VWDE: variants seen among roughly 807,000 people sequenced by gnomAD.
VWDE encodes the protein von Willebrand factor D and EGF domains.
VWDE carries 207 observed loss-of-function variants against 178.4 expected under a neutral mutation model. The observed-to-expected ratio is 1.16, with a 90% CI of 1.04 to 1.30. The LOEUF is 1.30. Ranked by LOEUF, VWDE falls within the 50% of genes most tolerant of loss-of-function variation. VWDE has a pLI of 0.00. For synonymous variants in VWDE, 738 were observed against 651.4 expected, an observed-to-expected ratio of 1.13 and a Z score of -2.02; for missense variants, 2,287 against 1,901.3, an observed-to-expected ratio of 1.20 and a Z score of -3.77.
At chr7:12,381,949 G>T (rs1783875060) in intron 4 of VWDE, among the ~76,000 whole-genome samples, 1 of 151,766 alleles carries the variant, frequency 6.6e-6, no homozygotes, top group South Asian at 2.1e-4. Flanking sequence ...ATCATTGCTT[G>T]CAACAGTATA....
At chr7:12,331,713 C>T (rs569775306) in intron 28 of VWDE, among the ~76,000 whole-genome samples, 84 of 152,054 alleles carry the variant, frequency 5.5e-4, no homozygotes, top group Non-Finnish European at 1.0e-3. Flanking sequence ...CTATTAATGC[C>T]ATATTGCAGA....
rs758316225 is a variant in VWDE, at chr7:12,356,217, G to C, written c.3639C>G (p.Ser1213Arg). The change falls in exon 18 of 29, where the codon AGC becomes AGG. Residue 1213 changes from serine to arginine, a missense_variant. By Grantham distance (110) the Ser-to-Arg change is moderately radical (BLOSUM62 -1). Transcript: ENST00000275358. ...LCVCLPGFHG[S>R]LCEVDISGCQ... ...ACCCACTAATGTCCACTTCACAAAG[G>C]CTGCCATGGAAGCCAGGCAAGCAGA... is the stretch of plus-strand genomic sequence containing the variant. 1.9e-6 allele frequency: 3 copies of C among 1,551,576 alleles called. No individual in the cohort carries two copies. The highest frequency in any genetic ancestry group is 1.2e-5 in the South Asian group (1 of 84,050).
Position 12,369,950 on chromosome 7 carries a change from C to T in VWDE, c.2356G>A (p.Asp786Asn). The change falls in exon 12 of 29, where the codon GAT becomes AAT. Residue 786 changes from aspartate to asparagine, a missense_variant. By Grantham distance (23) the Asp-to-Asn change is conservative. Coordinates refer to ENST00000275358, the MANE Select transcript of VWDE (RefSeq NM_001135924.3). ...TYFFPEDHAE[D>N]VQQEFFPSWP... is the part of the protein sequence containing the mutation. ...GAGGGGAAAAACTCTTGCTGTACATCCTCAGCATGGTCCTCTGGGAAAAAA... is the reference window on the plus strand; with the variant it reads ...GAGGGGAAAAACTCTTGCTGTACATTCTCAGCATGGTCCTCTGGGAAAAAA... 1 of 1,551,476 alleles carries T rather than the reference C, an allele frequency of 6.4e-7. No homozygotes were observed. The highest frequency in any genetic ancestry group is 8.7e-7 in the Non-Finnish European group (1 of 1,146,884).
intron 6 of VWDE, 28 bp from the exon 7 acceptor site, chr7:12,377,948 T>G (rs1783633431): frequency 1.5e-6 from 2 of 1,335,702 alleles, no homozygotes; most frequent in Non-Finnish European, 1.9e-6. Flanking sequence ...GTAGAAAAAT[T>G]ATGTTAAAAT....
chr7:12,348,540 C>A (rs1303004369), intron 19 of VWDE, among the ~76,000 whole-genome samples: 1 of 150,748 alleles, frequency 6.6e-6, no homozygotes, highest in African/African-American at 2.4e-5. Flanking sequence ...CATCTCACAC[C>A]AGTTAGAATG....
intron 15 of VWDE, 21 bp downstream of exon 15, chr7:12,361,126 A>G (rs921920968): frequency 1.4e-6 from 2 of 1,403,198 alleles, no homozygotes; most frequent in Admixed American, 2.1e-5. Context: ...AAATGTGAAA[A>G]TACATGAAAA....
At position 12,389,155 on chromosome 7, in the gene VWDE, A is replaced by G; in HGVS notation, c.447T>C (p.Thr149=). Residue 149 remains threonine (T), a synonymous_variant, in exon 3 of 29, where the codon ACT becomes ACC. Coordinates refer to ENST00000275358, the MANE Select transcript of VWDE (RefSeq NM_001135924.3). ...GNFSVYLLQP[T]QGCMGYCAEA... ...CCGCACAGTAGCCCATACATCCCTG[A>G]GTTGGTTGTAGTAAGTATACAGAAA... is the stretch of plus-strand genomic sequence containing the variant. 1 of 1,550,816 alleles carries G rather than the reference A, an allele frequency of 6.4e-7. No individual in the cohort carries two copies. The highest frequency in any genetic ancestry group is 1.2e-5 in the South Asian group (1 of 84,044).
Position 12,393,531 on chromosome 7 carries a change from T to C in VWDE, c.243+63A>G, listed in dbSNP as rs80205187. 2,275 of 1,338,232 alleles carry C rather than the reference T, an allele frequency of 1.7e-3. 39 individuals are homozygous for C. In the African/African-American group the frequency reaches 0.031, roughly 18 times the overall value. 82.9% of individuals were successfully genotyped at this position (1,338,232 alleles called of 1,614,324 possible). ...GAGAAATAAGCTGGTGGTAAAAAGA[T>C]ACAATTCTCATATGAAAAACACATA... is the stretch of plus-strand genomic sequence containing the variant. On this transcript the variant is annotated intron_variant, in intron 2 of 28. Coordinates refer to ENST00000275358, the MANE Select transcript of VWDE (RefSeq NM_001135924.3).
chr7:12,350,656 CAGTT>C (rs1167782353), intron 19 of VWDE, among the ~76,000 whole-genome samples: 1 of 151,582 alleles, frequency 6.6e-6, no homozygotes, highest in Non-Finnish European at 1.5e-5. Flanking sequence ...CTGGTCTCTT[CAGTT>C]AGATTGCTCA....
chr7:12,351,103 G>A (rs984451854), intron 19 of VWDE, among the ~76,000 whole-genome samples: 2 of 152,128 alleles, frequency 1.3e-5, no homozygotes, highest in African/African-American at 4.8e-5. Flanking sequence ...TGATGTTACA[G>A]AATGCAGAGG....
At chr7:12,368,383 T>C (rs1427260995) in intron 12 of VWDE, among the ~76,000 whole-genome samples, 1 of 151,924 alleles carries the variant, frequency 6.6e-6, no homozygotes, top group Non-Finnish European at 1.5e-5. Flanking sequence ...CCACAGAGGA[T>C]TTTCTGATAG....
chr7:12,379,495 T>G lies in VWDE; in HGVS notation c.861A>C (p.Glu287Asp). Residue 287 changes from glutamate to aspartate, a missense_variant, in exon 6 of 29, where the codon GAA (glutamate) becomes GAC (aspartate). Coordinates refer to ENST00000275358, the MANE Select transcript of VWDE (RefSeq NM_001135924.3). ...HVQSVAIESQ[E>D]FFAGFKLQPE... ...TGCGTACCTTAAAGCCTGCAAAAAATTCTTGGCTTTCGATGGCTACACTTT... is the reference window on the plus strand; with the variant it reads ...TGCGTACCTTAAAGCCTGCAAAAAAGTCTTGGCTTTCGATGGCTACACTTT... 1 of 1,549,808 alleles carries G rather than the reference T, an allele frequency of 6.5e-7. No individual in the cohort carries two copies. Among genetic ancestry groups the G allele is most frequent in the South Asian group, 1.2e-5 (1 of 83,826 alleles).
At chr7:12,390,193 T>G (rs1248904660) in intron 2 of VWDE, among the ~76,000 whole-genome samples, 1 of 150,598 alleles carries the variant, frequency 6.6e-6, no homozygotes, top group Admixed American at 6.6e-5. Flanking sequence ...GAAAGAAAGT[T>G]TAAACCTCAC....
chr7:12,334,333 G>A (rs917355783), intron 27 of VWDE, among the ~76,000 whole-genome samples: 35 of 152,068 alleles, frequency 2.3e-4, no homozygotes, highest in East Asian at 1.2e-3. Flanking sequence ...GAAAATGAGC[G>A]TACCACAAAA....
intron 19 of VWDE, among the ~76,000 whole-genome samples, chr7:12,349,617 C>A (rs1781820953): frequency 1.3e-5 from 2 of 150,696 alleles, no homozygotes; most frequent in African/African-American, 4.9e-5. Context: ...TGTATAGGAT[C>A]AGAATATATG....
Position 12,393,767 on chromosome 7 carries a change from A to G in VWDE, c.70T>C (p.Ser24Pro). The change falls in exon 2 of 29, where the codon TCT becomes CCT. Residue 24 changes from serine (S) to proline (P), a missense_variant. By Grantham distance (74) the Ser-to-Pro change is moderately conservative. Coordinates refer to ENST00000275358, the MANE Select transcript of VWDE (RefSeq NM_001135924.3). ...CGAAGAAACTGGTGTCCCCCAGGAG[A>G]GCACTCCTGAGCTAGTATGGAAAGA... Reference protein sequence around the residue: ...FLAWGEAQECSPGGHQFLRSP... With the variant: ...FLAWGEAQECPPGGHQFLRSP... 1.3e-6 allele frequency: 2 copies of G among 1,546,276 alleles called. No homozygotes were observed. The highest frequency in any genetic ancestry group is 1.2e-5 in the South Asian group (1 of 82,894).
chr7:12,374,422 C>CTA (rs1414551591), intron 9 of VWDE, among the ~76,000 whole-genome samples: 1 of 151,892 alleles, frequency 6.6e-6, no homozygotes, highest in East Asian at 1.9e-4. Context: ...TTTAAAGAGT[C>CTA]TAGCAAAAAA....
rs1783315075 is a variant in VWDE at position 12,373,247 on chromosome 7, C to G, written c.1317G>C (p.Arg439Ser). The G allele has an allele frequency of 1.3e-6, 2 of 1,549,298 alleles. No homozygotes were observed. The highest frequency in any genetic ancestry group is 1.7e-6 in the Non-Finnish European group (2 of 1,146,332). ...TDPHIITFDGRVYDNFKTGTF... is the reference protein window; with the variant it reads ...TDPHIITFDGSVYDNFKTGTF... Reference sequence around the variant, plus strand: ...TTCCAGTCTTGAAATTATCATATACCCTATCATTAACAAAAGGCAATTGCA... The same window carrying G: ...TTCCAGTCTTGAAATTATCATATACGCTATCATTAACAAAAGGCAATTGCA... Residue 439 changes from arginine (R) to serine (S), a missense_variant and splice_region_variant, in exon 10 of 29, where the codon AGG becomes AGC. Coordinates refer to ENST00000275358, the MANE Select transcript of VWDE (RefSeq NM_001135924.3).
chr7:12,370,264 ATC>A lies in VWDE; in HGVS notation c.2040_2041del (p.Glu680AspfsTer11). ...TTCTTCTGGAGATGTATGCTTGTTTATCTCTCTGACAAGAGTGTCTGAATTAA... is the reference window on the plus strand; with the variant it reads ...TTCTTCTGGAGATGTATGCTTGTTTATCTCTGACAAGAGTGTCTGAATTAA... On this transcript the variant is annotated frameshift_variant, in exon 12 of 29. Transcript: ENST00000275358. LOFTEE classifies it high-confidence loss of function. 3 of 1,550,986 alleles carry A rather than the reference ATC, an allele frequency of 1.9e-6. No individual in the cohort carries two copies. The highest frequency in any genetic ancestry group is 2.6e-6 in the Non-Finnish European group (3 of 1,146,740).
Sources: allele counts gnomAD v4.1 joint callset (sites outside exome capture counted in the v4.1 genomes callset), GRCh38; gene constraint gnomAD v4.1.1; transcripts MANE v1.5; gene names NCBI Gene and HGNC (gene_info 2026-07-23, HGNC 2026-07-21).